TRPM8: variants seen among roughly 807,000 people sequenced by gnomAD.
TRPM8 encodes the protein TRPM8 cationic channel.
Under a neutral mutation model 133.7 loss-of-function variants are expected in TRPM8, and 110 were observed. The ratio of observed to expected loss-of-function variants is 0.82; its 90% CI spans 0.70 to 0.96. TRPM8 has a LOEUF of 0.96. Among genes scored for constraint, TRPM8 ranks in the 40% least tolerant of loss-of-function variants. The pLI is 0.00. For synonymous variants in TRPM8, 535 were observed against 532.3 expected (o/e 1.01, Z -0.07); for missense variants, 1,291 against 1,379.5 (o/e 0.94, Z 1.02).
At chr2:233,962,075 G>C (rs1410154111) in intron 12 of TRPM8, among the ~76,000 whole-genome samples, 1 of 152,240 alleles carries the variant, frequency 6.6e-6, no homozygotes, top group African/African-American at 2.4e-5. Flanking sequence ...CCATGCGTGT[G>C]AAGGACTGAA....
At chr2:233,928,926 ATTG>A (rs1261047830) in intron 2 of TRPM8, among the ~76,000 whole-genome samples, 3 of 150,604 alleles carry the variant, frequency 2.0e-5, no homozygotes, top group African/African-American at 7.4e-5. Flanking sequence ...TAAACAATAC[ATTG>A]TTTAGTTTTG....
At chr2:233,942,828 G>A (rs752961408) in intron 6 of TRPM8, 80 bp downstream of exon 6, 2 of 1,550,602 alleles carry the variant, frequency 1.3e-6, no homozygotes, top group South Asian at 2.2e-5. Flanking sequence ...GAACCCTGGG[G>A]CTCTGTGATG....
At chr2:233,981,964 A>T (rs1272230903) in intron 19 of TRPM8, 49 bp downstream of exon 19, 1 of 1,543,242 alleles carries the variant, frequency 6.5e-7, no homozygotes, top group East Asian at 2.4e-5. Context: ...CGGGGCCCAG[A>T]GTTCTTTTAA....
rs11563130 is a variant in TRPM8, at chr2:233,961,048, G to A, written c.1635G>A (p.Glu545=). 1.3e-3 allele frequency: 2,040 copies of A among 1,614,002 alleles called. 20 individuals carry two copies. The African/African-American group carries it at 0.024, about 19-fold the overall frequency. ...FRKEDRNGRD[E]MDIELHDVSP... is the part of the protein sequence containing the mutation. ...AGGAAGACAGAAATGGCCGGGACGAGATGGACATAGAACTCCACGTAGGTA... is the reference window on the plus strand; with the variant it reads ...AGGAAGACAGAAATGGCCGGGACGAAATGGACATAGAACTCCACGTAGGTA... Residue 545 remains glutamate, a synonymous_variant, in exon 12 of 26, where the codon GAG becomes GAA. Coordinates refer to ENST00000324695, the MANE Select transcript of TRPM8 (RefSeq NM_024080.5).
intron 24 of TRPM8, among the ~76,000 whole-genome samples, chr2:234,009,711 T>C (rs141986564): frequency 6.6e-6 from 1 of 152,300 alleles, no homozygotes; most frequent in East Asian, 1.9e-4. Flanking sequence ...CTTCCCCTTC[T>C]GAACAACCAA....
rs187380795 is a variant in TRPM8, at chr2:233,979,002, G to A, written c.2356-1186G>A. ...ATCTGAAGAAGCAGAGTGATGTGGG[G>A]AGAAGCAACTGACTCGGGCTCAGAA... On this transcript the variant is annotated intron_variant, in intron 17 of 25. Coordinates refer to ENST00000324695, the MANE Select transcript of TRPM8 (RefSeq NM_024080.5). Among the ~76,000 whole-genome samples, 232 of 152,330 alleles carry A rather than the reference G, an allele frequency of 1.5e-3. 1 individual carries two copies. The highest frequency in any genetic ancestry group is 0.01 in the Middle Eastern group (3 of 294).
At position 233,949,952 on chromosome 2, in the gene TRPM8, A is replaced by C; in HGVS notation, c.946A>C (p.Ile316Leu). The part of the protein sequence containing the change: ...QGGGKETLKA[I>L]NTSIKNKIPC... The stretch of plus-strand genomic sequence containing the variant: ...TGACTCTGTCTCCTTCCTCCAGGCC[A>C]TCAATACCTCCATCAAAAATAAAAT... Residue 316 changes from isoleucine (I) to leucine (L), a missense_variant, in exon 9 of 26, where the codon ATC becomes CTC. By Grantham distance (5) the Ile-to-Leu change is conservative (BLOSUM62 2). This residue lies in a region of TRPM8 where 963 missense variants were observed against 968.9 expected (regional missense o/e 0.99). Coordinates refer to ENST00000324695, the MANE Select transcript of TRPM8 (RefSeq NM_024080.5). 6.2e-7 allele frequency: 1 copy of C among 1,614,062 alleles called. No individual in the cohort carries two copies. The highest frequency in any genetic ancestry group is 1.1e-5 in the South Asian group (1 of 91,066).
intron 22 of TRPM8, among the ~76,000 whole-genome samples, chr2:234,000,545 C>T (rs1316375981): frequency 6.6e-6 from 1 of 152,138 alleles, no homozygotes; most frequent in Non-Finnish European, 1.5e-5. Context: ...AATATCTTTT[C>T]CTCTACCTGT....
At chr2:234,002,038 A>C (rs1692579068) in intron 22 of TRPM8, among the ~76,000 whole-genome samples, 1 of 152,128 alleles carries the variant, frequency 6.6e-6, no homozygotes, top group Admixed American at 6.5e-5. Flanking sequence ...AAAGTGTGGG[A>C]AACACTAATT....
chr2:233,928,440 A>G (rs1691614131), intron 2 of TRPM8, among the ~76,000 whole-genome samples: 1 of 152,200 alleles, frequency 6.6e-6, no homozygotes, highest in African/African-American at 2.4e-5. Flanking sequence ...CCCTAAGCAC[A>G]TGCACACCTC....
At chr2:233,971,870 C>T (rs558515845) in intron 17 of TRPM8, among the ~76,000 whole-genome samples, 1 of 125,462 alleles carries the variant, frequency 8.0e-6, no homozygotes, top group East Asian at 5.2e-4. Context: ...ACTGCTGGCT[C>T]GCGCAGCCTG....
intron 20 of TRPM8, among the ~76,000 whole-genome samples, chr2:233,984,151 G>A (rs1303340951): frequency 6.6e-6 from 1 of 152,176 alleles, no homozygotes; most frequent in Non-Finnish European, 1.5e-5. Context: ...ATCCAGGGTA[G>A]CCACTCATGT....
Position 234,004,581 on chromosome 2 carries a change from A to G in TRPM8, c.3131-2272A>G, listed in dbSNP as rs570306458. Among the ~76,000 whole-genome samples, 4 of 152,398 alleles carry G rather than the reference A, an allele frequency of 2.6e-5. No homozygotes were observed. In the East Asian group the frequency reaches 7.7e-4, roughly 29 times the overall value. On this transcript the variant is annotated intron_variant, in intron 22 of 25. Transcript: ENST00000324695. ...AATGACTTTCAGAGCAGTGGAATCC[A>G]AAGTTTCACTTTTGGTACTTTTTTT...
At chr2:233,928,745 A>G (rs1343037607) in intron 2 of TRPM8, among the ~76,000 whole-genome samples, 1 of 152,200 alleles carries the variant, frequency 6.6e-6, no homozygotes, top group Non-Finnish European at 1.5e-5. Flanking sequence ...GAATATTGAA[A>G]AGAATGCTCT....
In TRPM8 at chr2:233,917,435, A is replaced by G. The variant is rs1345206717; in HGVS notation, c.-6+3A>G. 1 of 152,220 alleles carries G rather than the reference A, an allele frequency of 6.6e-6. No homozygotes were observed. Among genetic ancestry groups the G allele is most frequent in the African/African-American group, 2.4e-5 (1 of 41,456 alleles). 9.4% of individuals were successfully genotyped at this position (152,220 alleles called of 1,614,324 possible). A position where few individuals can be genotyped will look rare whatever the true frequency, so the allele number is the denominator to read the frequency against. On this transcript the variant is annotated splice_donor_region_variant and intron_variant, in intron 1 of 25. Transcript: ENST00000324695. ...CTTGACAAAAACCGTCACTTAGGGT[A>G]TGTCATCAACTTTTGCTTTTTGCTT... is the stretch of plus-strand genomic sequence containing the variant.
At chr2:233,965,460 T>A (rs1574734351) in intron 14 of TRPM8, among the ~76,000 whole-genome samples, 2 of 152,178 alleles carry the variant, frequency 1.3e-5, no homozygotes, top group South Asian at 4.1e-4. Context: ...GCCAGTGCCC[T>A]TTGCACAGAG....
rs1691427388 is a variant in TRPM8 at position 233,961,117 on chromosome 2, C to T, written c.1653+51C>T. On this transcript the variant is annotated intron_variant, in intron 12 of 25. Coordinates refer to ENST00000324695, the MANE Select transcript of TRPM8 (RefSeq NM_024080.5). ...TGAGTTCTCGGATATTTTGAGGCTT[C>T]CCTCATAAGATATCTCCATTTTCCC... is the stretch of plus-strand genomic sequence containing the variant. 3.9e-6 allele frequency: 6 copies of T among 1,556,500 alleles called. 1 individual carries two copies. The African/African-American group carries it at 4.1e-5, about 11-fold the overall frequency.
intron 25 of TRPM8, among the ~76,000 whole-genome samples, chr2:234,014,939 C>A (rs999719285): frequency 6.6e-6 from 1 of 152,170 alleles, no homozygotes; most frequent in Admixed American, 6.5e-5. Flanking sequence ...CACTTGCAAC[C>A]TATGCAGCTA....
intron 3 of TRPM8, 164 bp from the exon 4 acceptor site, chr2:233,937,189 C>A (rs1690772970): frequency 4.8e-6 from 4 of 826,402 alleles, no homozygotes; most frequent in East Asian, 2.7e-5. Context: ...AGCCACCGCA[C>A]CCGTCCACAT....
Sources: gnomAD v4.1 joint callset for allele counts (sites outside exome capture counted in the v4.1 genomes callset) on GRCh38, gnomAD v4.1.1 for gene constraint, gnomAD v4.1.1 regional missense constraint, MANE v1.5 for transcripts, NCBI Gene and HGNC (gene_info 2026-07-23, HGNC 2026-07-21) for gene names.